The following AS3MT variants were observed in gnomAD, a reference collection of about 807,000 sequenced individuals.
The protein encoded by AS3MT is arsenite methyltransferase.
AS3MT carries 47 observed loss-of-function variants against 45.3 expected under a neutral mutation model. The observed-to-expected ratio is 1.04, with a 90% confidence interval of 0.82 to 1.32. AS3MT has a LOEUF of 1.32. Ranked by LOEUF, AS3MT falls within the 40% of genes most tolerant of loss-of-function variation. The pLI, the probability that AS3MT is intolerant of heterozygous loss-of-function variation, is 0.00. For synonymous variants in AS3MT, 141 were observed against 152.8 expected (o/e 0.92, Z 0.57); for missense variants, 396 against 451.1 (o/e 0.88, Z 1.11).
chr10:102,889,994 C>CTTT (rs763044924), intron 9 of AS3MT, among the ~76,000 whole-genome samples: 99 of 126,286 alleles, frequency 7.8e-4, no homozygotes, highest in East Asian at 1.2e-3. Context: ...ATTTTCTTTT[C>CTTT]TTTTTTTTTT....
intron 6 of AS3MT, 45 bp downstream of exon 6, chr10:102,874,706 G>A (rs1028348915): frequency 1.5e-5 from 20 of 1,340,352 alleles, no homozygotes; most frequent in Non-Finnish European, 2.0e-5. Context: ...ATCAGTAAGA[G>A]CTGATGGGTT....
intron 10 of AS3MT, among the ~76,000 whole-genome samples, chr10:102,892,118 T>A (rs1171634987): frequency 6.6e-6 from 1 of 152,062 alleles, no homozygotes; most frequent in Non-Finnish European, 1.5e-5. Flanking sequence ...ATAAACCAGG[T>A]TATAATTTTT....
At position 102,900,781 on chromosome 10, in the gene AS3MT, A is replaced by T. The variant is rs1398356378; in HGVS notation, c.*81A>T. ...TAACCTGCTTTTCCCCATAGCACAG[A>T]CCATAAGAAACAACAAATGGGGCCG... On this transcript the variant is annotated 3_prime_UTR_variant, in exon 11 of 11. Transcript: ENST00000369880. The T allele has an allele frequency of 5.4e-6, 6 of 1,110,710 alleles. No homozygotes were observed. The highest frequency in any genetic ancestry group is 6.8e-6 in the Non-Finnish European group (5 of 738,566). 68.8% of individuals were successfully genotyped at this position (1,110,710 alleles called of 1,614,324 possible).
Position 102,881,774 on chromosome 10 carries a change from C to T in AS3MT, c.885+2783C>T, listed in dbSNP as rs1327368052. Among the ~76,000 whole-genome samples the T allele has an allele frequency of 6.6e-6, 1 of 152,112 alleles. No individual in the cohort carries two copies. Among genetic ancestry groups the T allele is most frequent in the African/African-American group, 2.4e-5 (1 of 41,428 alleles). On this transcript the variant is annotated intron_variant, in intron 9 of 10. Coordinates refer to ENST00000369880, the MANE Select transcript of AS3MT (RefSeq NM_020682.4). The surrounding 1 kb of genome is among the most constrained non-coding windows in gnomAD (Gnocchi z 4.2). ...TTTTAGAGACAAAGTCTCTCTCTGT[C>T]ACCCATGCTGGAGTGTAGTGGCACA...
chr10:102,879,103 G>A, intron 9 of AS3MT, 112 bp downstream of exon 9: 1 of 1,218,182 alleles, frequency 8.2e-7, no homozygotes, highest in Non-Finnish European at 1.1e-6. Flanking sequence ...TGGTTTGTTT[G>A]TGTGTGTGTT....
intron 5 of AS3MT, among the ~76,000 whole-genome samples, chr10:102,873,887 G>A (rs1215917626): frequency 1.3e-5 from 2 of 152,004 alleles, no homozygotes; most frequent in Non-Finnish European, 2.9e-5. Flanking sequence ...TTTCCCTCAA[G>A]TTGTTATTGT....
At chr10:102,890,372 G>GATTT (rs1845049014) in intron 9 of AS3MT, among the ~76,000 whole-genome samples, 172 bp from the exon 10 acceptor site, 1 of 152,024 alleles carries the variant, frequency 6.6e-6, no homozygotes, top group Admixed American at 6.6e-5. Context: ...TTAATTTTTT[G>GATTT]AGGAATCTCC....
In AS3MT at chr10:102,874,661, G is replaced by A. The variant is rs561527747; in HGVS notation, c.528G>A (p.Lys176=). 4.4e-6 allele frequency: 7 copies of A among 1,604,530 alleles called. 1 individual carries two copies. The South Asian group carries it at 5.6e-5, about 13-fold the overall frequency. ...QVLQEAYRVL[K]HGGELYFSDV... is the part of the protein sequence containing the mutation. ...TTCAGGAGGCATATCGGGTGCTGAAGGTGAGGAGGAGAGTGAGATAAATTA... is the reference window on the plus strand; with the variant it reads ...TTCAGGAGGCATATCGGGTGCTGAAAGTGAGGAGGAGAGTGAGATAAATTA... Residue 176 remains lysine, a splice_region_variant and synonymous_variant, in exon 6 of 11, where the codon AAG becomes AAA. Transcript: ENST00000369880.
intron 9 of AS3MT, among the ~76,000 whole-genome samples, chr10:102,882,596 T>G (rs1844881874): frequency 6.6e-6 from 1 of 151,964 alleles, no homozygotes; most frequent in South Asian, 2.1e-4. Context: ...ATTTATTTAT[T>G]TATTTATTTT....
intron 3 of AS3MT, among the ~76,000 whole-genome samples, chr10:102,871,176 G>A (rs1011335397): frequency 1.3e-5 from 2 of 152,052 alleles, no homozygotes; most frequent in East Asian, 1.9e-4. Context: ...CGTGGAAGGC[G>A]GAGGTCGCAG....
intron 5 of AS3MT, 47 bp from the exon 6 acceptor site, chr10:102,874,545 C>CT: frequency 1.5e-6 from 2 of 1,372,170 alleles, no homozygotes; most frequent in Non-Finnish European, 2.0e-6. Flanking sequence ...TTGCAGATCT[C>CT]TGAGTGTTGT....
At chr10:102,883,086 TTA>T (rs201835582) in intron 9 of AS3MT, among the ~76,000 whole-genome samples, 113 of 58,324 alleles carry the variant, frequency 1.9e-3, no homozygotes, top group African/African-American at 5.3e-3. Context: ...GCAAAATGTT[TTA>T]TATATATATA....
In AS3MT at chr10:102,872,550, G is replaced by T. The variant is rs370458438; in HGVS notation, c.273G>T (p.Leu91=). 7.1e-5 allele frequency: 115 copies of T among 1,613,750 alleles called. No individual in the cohort carries two copies. Among genetic ancestry groups the T allele is most frequent in the Middle Eastern group, 3.3e-4 (2 of 6,082 alleles). ...GAGATTGCTATGTACTTAGCCAGCTGGTTGGTGAAAAAGGACACGTGACTG... is the reference window on the plus strand; with the variant it reads ...GAGATTGCTATGTACTTAGCCAGCTTGTTGGTGAAAAAGGACACGTGACTG... ...SGRDCYVLSQ[L]VGEKGHVTGI... Residue 91 remains leucine (L), a synonymous_variant, in exon 4 of 11, where the codon CTG becomes CTT. Transcript: ENST00000369880.
chr10:102,893,899 G>A (rs183221310), intron 10 of AS3MT, among the ~76,000 whole-genome samples: 113 of 152,034 alleles, frequency 7.4e-4, no homozygotes, highest in Non-Finnish European at 9.3e-4. Flanking sequence ...CTCCCAAAGT[G>A]CTGAGATTAC....
At chr10:102,870,043 TCCC>T (rs1474085264) in intron 2 of AS3MT, 38 bp from the exon 3 acceptor site, 2 of 1,607,714 alleles carry the variant, frequency 1.2e-6, no homozygotes, top group Admixed American at 1.7e-5. Context: ...ACAGCTCTTC[TCCC>T]TCTCTACCCC....
Position 102,896,531 on chromosome 10 carries a change from G to T in AS3MT, c.1021-4062G>T, listed in dbSNP as rs139579156. On this transcript the variant is annotated intron_variant, in intron 10 of 10. Coordinates refer to ENST00000369880, the MANE Select transcript of AS3MT (RefSeq NM_020682.4). ...GAGCTAAAGAGTGATTTACTAGGCC[G>T]GGCACGGTGGCTTACGCCTGTAATC... Among the ~76,000 whole-genome samples, 17 of 151,998 alleles carry T rather than the reference G, an allele frequency of 1.1e-4. No individual in the cohort carries two copies. The South Asian group carries it at 2.5e-3, about 22-fold the overall frequency.
At chr10:102,883,900 T>C (rs1590224157) in intron 9 of AS3MT, among the ~76,000 whole-genome samples, 1 of 152,032 alleles carries the variant, frequency 6.6e-6, no homozygotes, top group Non-Finnish European at 1.5e-5. Flanking sequence ...TTACCTCACA[T>C]ACTCACCATT....
intron 9 of AS3MT, among the ~76,000 whole-genome samples, chr10:102,888,609 C>T (rs962779858): frequency 9.2e-5 from 14 of 151,628 alleles, no homozygotes; most frequent in East Asian, 3.9e-4. Context: ...TTAGTAGAGA[C>T]GGGGTTTTAC....
chr10:102,883,391 G>A lies in AS3MT; in HGVS notation c.885+4400G>A, dbSNP rs569081065. On this transcript the variant is annotated intron_variant, in intron 9 of 10. Coordinates refer to ENST00000369880, the MANE Select transcript of AS3MT (RefSeq NM_020682.4). Reference sequence around the variant, plus strand: ...ACTAGGATTATAGATGTGAGCCACTGTGCCCAGCCAGAAATGCACTTTAAA... The same window carrying A: ...ACTAGGATTATAGATGTGAGCCACTATGCCCAGCCAGAAATGCACTTTAAA... Among the ~76,000 whole-genome samples, 16 of 151,898 alleles carry A rather than the reference G, an allele frequency of 1.1e-4. No individual in the cohort carries two copies. The South Asian group carries it at 3.1e-3, about 30-fold the overall frequency.
Sources: allele counts gnomAD v4.1 joint callset (sites outside exome capture counted in the v4.1 genomes callset), GRCh38; gene constraint gnomAD v4.1.1; non-coding constraint Gnocchi (gnomAD v3.1); transcripts MANE v1.5; gene names NCBI Gene and HGNC (gene_info 2026-07-23, HGNC 2026-07-21).